Variants in UNKL observed in about 807,000 individuals in gnomAD.
The protein encoded by UNKL is unk like zinc finger.
A neutral mutation model predicts 78.0 loss-of-function variants in UNKL; 60 were observed. The ratio of observed to expected loss-of-function variants is 0.77; its 90% CI spans 0.63 to 0.95. The LOEUF is 0.95. Among genes scored for constraint, UNKL ranks in the 40% least tolerant of loss-of-function variants. The probability of loss-of-function intolerance (pLI) is 0.00; values close to 1 mark genes in which losing one functional copy is unlikely to be tolerated. For missense variants in UNKL, 1,159 were observed against 1,045.7 expected, an observed-to-expected ratio of 1.11 and a Z score of -1.49; for synonymous variants, 608 against 474.8, an observed-to-expected ratio of 1.28 and a Z score of -3.65.
rs908971743 is a variant in UNKL at position 1,392,893 on chromosome 16, T to C, written c.1021A>G (p.Asn341Asp). The C allele has an allele frequency of 6.4e-7, 1 of 1,550,606 alleles. No homozygotes were observed. Among genetic ancestry groups the C allele is most frequent in the Non-Finnish European group, 8.7e-7 (1 of 1,147,008 alleles). The part of the protein sequence containing the change: ...PSSTGSGQPG[N>D]AKRRDSPAEG... ...TCCTGGGAAGGCCGTTCACTTACATTTCCCGGCTGGCCGCTGCCCGTGGAG... is the reference window on the plus strand; with the variant it reads ...TCCTGGGAAGGCCGTTCACTTACATCTCCCGGCTGGCCGCTGCCCGTGGAG... The change falls in exon 8 of 15, where the codon AAT becomes GAT. Residue 341 changes from asparagine (N) to aspartate (D), a missense_variant and splice_region_variant. Coordinates refer to ENST00000389221, the MANE Select transcript of UNKL (RefSeq NM_001372107.1).
In UNKL at chr16:1,385,304, C is replaced by CGCTGGAAGCCAG; in HGVS notation, c.1167_1168insCTGGCTTCCAGC (p.Leu386_Ser389dup). The CGCTGGAAGCCAG allele has an allele frequency of 1.4e-6, 2 of 1,391,596 alleles. No individual in the cohort carries two copies. The highest frequency in any genetic ancestry group is 6.0e-5 in the East Asian group (2 of 33,164). 86.2% of individuals were successfully genotyped at this position (1,391,596 alleles called of 1,614,324 possible). A position where few individuals can be genotyped will look rare whatever the true frequency, so the allele number is the denominator to read the frequency against. On this transcript the variant is annotated inframe_insertion, in exon 10 of 15. Coordinates refer to ENST00000389221, the MANE Select transcript of UNKL (RefSeq NM_001372107.1). ...GTGGGGGAGGAGCTGCCGGAGCCGG[C>CGCTGGAAGCCAG]GCTGGACGCCAGGCTGGACGCCACG...
chr16:1,372,092 C>CA (rs11342892), intron 10 of UNKL, among the ~76,000 whole-genome samples: 13 of 145,552 alleles, frequency 8.9e-5, no homozygotes, highest in African/African-American at 2.0e-4. Context: ...CCGTCTCAAC[C>CA]AAAAAAAAAA....
At chr16:1,376,069 C>T (rs1204107394) in intron 10 of UNKL, among the ~76,000 whole-genome samples, 2 of 151,814 alleles carry the variant, frequency 1.3e-5, no homozygotes, top group Non-Finnish European at 2.9e-5. Flanking sequence ...GGCCTCTTCC[C>T]TCCTCCCTCC....
intron 12 of UNKL, 200 bp from the exon 13 acceptor site, chr16:1,368,058 C>CTTTTTCA: frequency 3.3e-6 from 2 of 598,012 alleles, no homozygotes; most frequent in Non-Finnish European, 6.0e-6. Context: ...CTGACAGTGA[C>CTTTTTCA]ACCTGCCCCG....
Position 1,403,654 on chromosome 16 carries a change from A to T in UNKL, c.288-310T>A, listed in dbSNP as rs987861134. ...ACAATGCTGAATTTCCACAAAGCTCATCCTTCCTAATGTTCCAAATAAACC... is the reference window on the plus strand; with the variant it reads ...ACAATGCTGAATTTCCACAAAGCTCTTCCTTCCTAATGTTCCAAATAAACC... On this transcript the variant is annotated intron_variant, in intron 2 of 14. Coordinates refer to ENST00000389221, the MANE Select transcript of UNKL (RefSeq NM_001372107.1). The surrounding 1 kb of genome is among the most constrained non-coding windows in gnomAD (Gnocchi z 4.8). Among the ~76,000 whole-genome samples, 1 of 152,200 alleles carries T rather than the reference A, an allele frequency of 6.6e-6. No homozygotes were observed. Among genetic ancestry groups the T allele is most frequent in the Non-Finnish European group, 1.5e-5 (1 of 68,046 alleles).
At position 1,403,551 on chromosome 16, in the gene UNKL, A is replaced by AC. The variant is rs1159374018; in HGVS notation, c.288-208dup. Among the ~76,000 whole-genome samples, 2 of 151,986 alleles carry AC rather than the reference A, an allele frequency of 1.3e-5. No homozygotes were observed. Among genetic ancestry groups the AC allele is most frequent in the African/African-American group, 4.8e-5 (2 of 41,352 alleles). ...CGCCCAGGTACACAGACCACCGCAA[A>AC]CCCCCAGTCAACCAGTCAAACACAG... On this transcript the variant is annotated intron_variant, in intron 2 of 14. Transcript: ENST00000389221. This position sits in a 1 kb window ranked among gnomAD's most constrained non-coding sequence, Gnocchi z 4.8.
chr16:1,372,290 A>C lies in UNKL; in HGVS notation c.1265-679T>G, dbSNP rs113602608. The stretch of plus-strand genomic sequence containing the variant: ...AAAAAAACAAAAACAAAAACAAAAA[A>C]AAAACTTTCTGTGAGGGTGATTTCA... On this transcript the variant is annotated intron_variant, in intron 10 of 14. Coordinates refer to ENST00000389221, the MANE Select transcript of UNKL (RefSeq NM_001372107.1). 7.3e-3 allele frequency among the ~76,000 whole-genome samples: 1,113 copies of C among 152,192 alleles called. 14 individuals carry two copies. The highest frequency in any genetic ancestry group is 0.025 in the African/African-American group (1,054 of 41,516).
intron 10 of UNKL, among the ~76,000 whole-genome samples, chr16:1,372,195 C>T (rs551387789): frequency 5.3e-5 from 8 of 152,062 alleles, no homozygotes; most frequent in East Asian, 3.9e-4. Context: ...ACCCCAGAGG[C>T]GGAGCTTGCA....
At chr16:1,389,224 A>G (rs185094681) in intron 9 of UNKL, among the ~76,000 whole-genome samples, 506 of 152,056 alleles carry the variant, frequency 3.3e-3, no homozygotes, top group Non-Finnish European at 5.4e-3. Flanking sequence ...CCAAATTCCT[A>G]CGTGGAAGCC....
chr16:1,371,847 C>T lies in UNKL; in HGVS notation c.1265-236G>A, dbSNP rs190843888. Among the ~76,000 whole-genome samples the T allele has an allele frequency of 4.5e-4, 68 of 152,322 alleles. No individual in the cohort carries two copies. In the East Asian group the frequency reaches 9.8e-3, roughly 22 times the overall value. ...ACGAGCGTGCTCAGGTGGGACGCCC[C>T]GCACCACAGACCAGCAGCTGGGTCC... On this transcript the variant is annotated intron_variant, in intron 10 of 14. Transcript: ENST00000389221.
At chr16:1,409,281 T>C (rs745883552) in intron 2 of UNKL, among the ~76,000 whole-genome samples, 5 of 152,196 alleles carry the variant, frequency 3.3e-5, no homozygotes, top group Non-Finnish European at 7.3e-5. Flanking sequence ...AACGTTCCTT[T>C]ATTTACAAAT....
At chr16:1,393,088 A>T in intron 7 of UNKL, 112 bp from the exon 8 acceptor site, 1 of 1,154,868 alleles carries the variant, frequency 8.7e-7, no homozygotes, top group Non-Finnish European at 1.3e-6. Flanking sequence ...CGTCACAATC[A>T]TCCCTCAGGG....
intron 9 of UNKL, among the ~76,000 whole-genome samples, chr16:1,389,021 C>G (rs946096721): frequency 2.0e-5 from 3 of 152,226 alleles, no homozygotes; most frequent in Non-Finnish European, 4.4e-5. Flanking sequence ...CATCTTCCAG[C>G]CGGAAGCTCT....
intron 2 of UNKL, among the ~76,000 whole-genome samples, chr16:1,413,060 C>T (rs2142306361): frequency 6.6e-6 from 1 of 152,004 alleles, no homozygotes; most frequent in South Asian, 2.1e-4. Context: ...CCAGCCTGGG[C>T]AATGTAGTGA....
At chr16:1,396,506 C>G (rs2037267407) in intron 6 of UNKL, among the ~76,000 whole-genome samples, 1 of 151,026 alleles carries the variant, frequency 6.6e-6, no homozygotes. Flanking sequence ...GAACCCCTGA[C>G]CTCAAGTGAT....
At chr16:1,401,310 G>A (rs932780858) in intron 4 of UNKL, 4 of 395,620 alleles carry the variant, frequency 1.0e-5, no homozygotes, top group African/African-American at 8.2e-5. Flanking sequence ...CGGCCACTTG[G>A]TCAATGGCTG....
chr16:1,379,322 C>G (rs1474666703), intron 10 of UNKL: 3 of 291,396 alleles, frequency 1.0e-5, no homozygotes, highest in African/African-American at 6.9e-5. Context: ...CGCTCCGCTC[C>G]GCTCTCCTGC....
In UNKL at chr16:1,370,266, G is replaced by C; in HGVS notation, c.1449C>G (p.Thr483=). Residue 483 remains threonine (T), a synonymous_variant, in exon 12 of 15, where the codon ACC becomes ACG. Transcript: ENST00000389221. The part of the protein sequence containing the change: ...PSLHSPSSAS[T]SPLGSLSQPL... ...GCTGGGACAGCGAACCGAGCGGCGAGGTGGACGCAGAGGATGGCGAGTGTA... is the reference window on the plus strand; with the variant it reads ...GCTGGGACAGCGAACCGAGCGGCGACGTGGACGCAGAGGATGGCGAGTGTA... 6.5e-7 allele frequency: 1 copy of C among 1,534,388 alleles called. No homozygotes were observed. The highest frequency in any genetic ancestry group is 1.2e-5 in the South Asian group (1 of 83,950).
intron 2 of UNKL, among the ~76,000 whole-genome samples, chr16:1,412,627 C>T (rs976964344): frequency 3.9e-5 from 6 of 152,148 alleles, no homozygotes; most frequent in Non-Finnish European, 4.4e-5. Flanking sequence ...CATAAATGAG[C>T]CTGCACATAA....
Sources: gnomAD v4.1 joint callset for allele counts (sites outside exome capture counted in the v4.1 genomes callset) on GRCh38, gnomAD v4.1.1 for gene constraint, Gnocchi (gnomAD v3.1) non-coding constraint, MANE v1.5 for transcripts, NCBI Gene and HGNC (gene_info 2026-07-23, HGNC 2026-07-21) for gene names.